Variants in BLACAT1 observed in about 807,000 individuals in gnomAD.
BLACAT1 encodes bladder cancer associated transcript 1.
chr1:205,442,170 G>A (rs1666306178), intron 1 of BLACAT1, among the ~76,000 whole-genome samples: 1 of 152,120 alleles, frequency 6.6e-6, no homozygotes, highest in Non-Finnish European at 1.5e-5. Context: ...GCCGGGGCCT[G>A]GTCTGAATCA....
Position 205,450,686 on chromosome 1 carries a change from C to A in BLACAT1, c.-37+5231G>T, listed in dbSNP as rs1383796341. Among the ~76,000 whole-genome samples, 1 of 152,180 alleles carries A rather than the reference C, an allele frequency of 6.6e-6. No individual in the cohort carries two copies. Among genetic ancestry groups the A allele is most frequent in the African/African-American group, 2.4e-5 (1 of 41,430 alleles). On this transcript the variant is annotated intron_variant, in intron 1 of 1. Transcript: ENST00000629624. This position sits in a 1 kb window ranked among gnomAD's most constrained non-coding sequence, Gnocchi z 4.4. ...TCCCTGGGCACATGAAGGGCTCAGC[C>A]CCTGGCCTGCCTACCAATCCCAGCC...
intron 1 of BLACAT1, among the ~76,000 whole-genome samples, chr1:205,444,216 T>G (rs1356455734): frequency 6.6e-6 from 1 of 151,690 alleles, no homozygotes; most frequent in African/African-American, 2.4e-5. Flanking sequence ...CAGAATAGGA[T>G]GGAGAGGCAG....
In BLACAT1 at chr1:205,455,431, C is replaced by G. The variant is rs190350176; in HGVS notation, c.-37+486G>C. On this transcript the variant is annotated intron_variant, in intron 1 of 1. Coordinates refer to ENST00000629624, the Ensembl canonical transcript of BLACAT1. ...CCAAACTGGGGTCTCCTGGGGCCCT[C>G]TGTTCCAAGGGTACCAGACAAACAT... 7.7e-4 allele frequency among the ~76,000 whole-genome samples: 118 copies of G among 152,318 alleles called. 1 individual carries two copies. Among genetic ancestry groups the G allele is most frequent in the African/African-American group, 2.7e-3 (114 of 41,564 alleles).
downstream of BLACAT1, among the ~76,000 whole-genome samples, chr1:205,439,783 C>A (rs6682598): frequency 0.26 from 39,010 of 152,100 alleles, 5,726 homozygotes; most frequent in African/African-American, 0.4. Flanking sequence ...TCGTCTCTGC[C>A]TGTCTTCTAG....
chr1:205,435,128 G>T (rs1666184353), downstream of BLACAT1: 1 of 152,236 alleles, frequency 6.6e-6, no homozygotes. Context: ...GATATAGATT[G>T]CTACTTTACA....
chr1:205,439,094 C>T (rs898419557), downstream of BLACAT1, among the ~76,000 whole-genome samples: 1 of 152,206 alleles, frequency 6.6e-6, no homozygotes, highest in Non-Finnish European at 1.5e-5. Flanking sequence ...GCTAGGGAAA[C>T]ACATGCCCTC....
downstream of BLACAT1, chr1:205,435,974 C>A (rs781125947): frequency 6.6e-6 from 1 of 152,240 alleles, no homozygotes; most frequent in African/African-American, 2.4e-5. Context: ...AGGGCAGAAA[C>A]CAGCCTGGCC....
intron 1 of BLACAT1, among the ~76,000 whole-genome samples, chr1:205,449,019 G>A (rs1666451143): frequency 6.6e-6 from 1 of 152,152 alleles, no homozygotes; most frequent in Non-Finnish European, 1.5e-5. Context: ...GTTTAGAGGA[G>A]AGTGAGATCT....
intron 1 of BLACAT1, among the ~76,000 whole-genome samples, chr1:205,443,640 T>C (rs759121369): frequency 6.6e-6 from 1 of 152,226 alleles, no homozygotes; most frequent in Non-Finnish European, 1.5e-5. Context: ...GGCCTGGTTA[T>C]TCTGCTCAGA....
chr1:205,444,222 G>A (rs554236682), intron 1 of BLACAT1, among the ~76,000 whole-genome samples: 1 of 152,110 alleles, frequency 6.6e-6, no homozygotes, highest in Non-Finnish European at 1.5e-5. Context: ...AGGATGGAGA[G>A]GCAGGGTGGA....
At chr1:205,443,306 CT>C (rs1666326476) in intron 1 of BLACAT1, among the ~76,000 whole-genome samples, 1 of 152,166 alleles carries the variant, frequency 6.6e-6, no homozygotes, top group Non-Finnish European at 1.5e-5. Context: ...ATCCCCTTTC[CT>C]TTTCACCCCA....
intron 1 of BLACAT1, among the ~76,000 whole-genome samples, chr1:205,451,920 G>A (rs894392174): frequency 1.3e-5 from 2 of 152,128 alleles, no homozygotes; most frequent in African/African-American, 2.4e-5. Flanking sequence ...GAGAGGGTAG[G>A]AGAAGCCTGA....
chr1:205,453,488 T>C (rs1428803058), intron 1 of BLACAT1, among the ~76,000 whole-genome samples: 3 of 152,164 alleles, frequency 2.0e-5, no homozygotes, highest in Non-Finnish European at 4.4e-5. Context: ...AGCACAATTT[T>C]TCCCCCAAGG....
At chr1:205,444,728 C>T (rs904153898) in intron 1 of BLACAT1, among the ~76,000 whole-genome samples, 4 of 152,080 alleles carry the variant, frequency 2.6e-5, no homozygotes, top group African/African-American at 9.7e-5. Context: ...TGGGCGGCAG[C>T]GGGGGTGGAA....
At position 205,448,782 on chromosome 1, in the gene BLACAT1, T is replaced by TG. The variant is rs1047142869; in HGVS notation, c.-37+7134dup. Among the ~76,000 whole-genome samples, 23 of 152,102 alleles carry TG rather than the reference T, an allele frequency of 1.5e-4. No homozygotes were observed. The highest frequency in any genetic ancestry group is 9.8e-4 in the Admixed American group (15 of 15,272). On this transcript the variant is annotated intron_variant, in intron 1 of 1. Transcript: ENST00000629624. This position sits in a 1 kb window ranked among gnomAD's most constrained non-coding sequence, Gnocchi z 4.7. ...AGGCTGCTGCTGCCAGTACCCAGGATGGGGGGCCCCAGGTTAGGCTCCCTC... is the reference window on the plus strand; with the variant it reads ...AGGCTGCTGCTGCCAGTACCCAGGATGGGGGGGCCCCAGGTTAGGCTCCCTC...
intron 1 of BLACAT1, among the ~76,000 whole-genome samples, chr1:205,454,909 A>G (rs1296968543): frequency 6.6e-6 from 1 of 152,140 alleles, no homozygotes; most frequent in Non-Finnish European, 1.5e-5. Context: ...GACCAAAAGA[A>G]GAATTTGTTA....
chr1:205,450,615 C>T lies in BLACAT1; in HGVS notation c.-37+5302G>A, dbSNP rs925648061. Among the ~76,000 whole-genome samples, 21 of 152,132 alleles carry T rather than the reference C, an allele frequency of 1.4e-4. No homozygotes were observed. Among genetic ancestry groups the T allele is most frequent in the Non-Finnish European group, 7.3e-5 (5 of 68,030 alleles). ...CCCCCTCCACCCACCCTCACCCAGTCCTGCGCTCGGATTCCCAGCCATAGC... is the reference window on the plus strand; with the variant it reads ...CCCCCTCCACCCACCCTCACCCAGTTCTGCGCTCGGATTCCCAGCCATAGC... On this transcript the variant is annotated intron_variant, in intron 1 of 1. Coordinates refer to ENST00000629624, the Ensembl canonical transcript of BLACAT1. The surrounding 1 kb of genome is among the most constrained non-coding windows in gnomAD (Gnocchi z 4.4).
chr1:205,446,291 A>T (rs1285422324), intron 1 of BLACAT1, among the ~76,000 whole-genome samples: 3 of 152,254 alleles, frequency 2.0e-5, no homozygotes, highest in Admixed American at 6.5e-5. Context: ...ATCCAGGCCC[A>T]GCCCCAGCAA....
chr1:205,438,632 C>A (rs756320413), downstream of BLACAT1, among the ~76,000 whole-genome samples: 7 of 152,192 alleles, frequency 4.6e-5, no homozygotes, highest in Admixed American at 3.3e-4. Context: ...GAAGCTGCTA[C>A]CTCCTGCTCA....
Sources: gnomAD v4.1 joint callset for allele counts (sites outside exome capture counted in the v4.1 genomes callset) on GRCh38, gnomAD v4.1.1 for gene constraint, Gnocchi (gnomAD v3.1) non-coding constraint, MANE v1.5 for transcripts, NCBI Gene and HGNC (gene_info 2026-07-23, HGNC 2026-07-21) for gene names.